C1orf94: variants seen among roughly 807,000 people sequenced by gnomAD.
C1orf94 encodes chromosome 1 open reading frame 94, also known as uncharacterized protein C1orf94.
In C1orf94, 45 loss-of-function variants were observed where a neutral mutation model predicts 53.6. That is an observed-to-expected ratio of 0.84 (90% CI 0.66 to 1.08). The LOEUF is 1.08. C1orf94 is among the 50% of genes least tolerant of loss of function. The pLI, the probability that C1orf94 is intolerant of heterozygous loss-of-function variation, is 0.00. For missense variants in C1orf94, 762 were observed against 738.9 expected (o/e 1.03, Z -0.36); for synonymous variants, 304 against 296.1 (o/e 1.03, Z -0.27).
At position 34,178,076 on chromosome 1, in the gene C1orf94, C is replaced by T; in HGVS notation, c.287C>T (p.Thr96Ile). Residue 96 changes from threonine to isoleucine, a missense_variant, in exon 1 of 7, where the codon ACT (threonine) becomes ATT (isoleucine). By Grantham distance (89) the Thr-to-Ile change is moderately conservative (BLOSUM62 -1). Transcript: ENST00000488417. ...MEQLSVPVVG[T>I]LRGNELSFQE... ...CAGCTCTCTGTCCCTGTGGTTGGAA[C>T]TCTAAGAGGCAATGAGCTCAGCTTT... The T allele has an allele frequency of 1.3e-6, 2 of 1,551,702 alleles. No individual in the cohort carries two copies. Among genetic ancestry groups the T allele is most frequent in the East Asian group, 2.4e-5 (1 of 40,910 alleles).
chr1:34,171,735 T>G (rs922122438), intron 1 of C1orf94, among the ~76,000 whole-genome samples: 1 of 152,230 alleles, frequency 6.6e-6, no homozygotes, highest in African/African-American at 2.4e-5. Flanking sequence ...AAATTCATGC[T>G]TGGGGTTATT....
rs1227010551 is a variant in C1orf94, at chr1:34,202,188, C to G, written c.1375C>G (p.Pro459Ala). ...TAMTSATLNQ[P>A]LWLNLNYPPP... ...CATGACCTCAGCAACCCTGAACCAG[C>G]CACTCTGGCTCAACCTGAACTATCC... Residue 459 changes from proline to alanine, a missense_variant, in exon 4 of 7, where the codon CCA becomes GCA. Coordinates refer to ENST00000488417, the MANE Select transcript of C1orf94 (RefSeq NM_001134734.2). 7 of 1,614,250 alleles carry G rather than the reference C, an allele frequency of 4.3e-6. No homozygotes were observed. The highest frequency in any genetic ancestry group is 3.3e-5 in the Admixed American group (2 of 60,030).
At chr1:34,204,059 G>C (rs558101864) in intron 4 of C1orf94, among the ~76,000 whole-genome samples, 2 of 152,198 alleles carry the variant, frequency 1.3e-5, no homozygotes, top group Non-Finnish European at 2.9e-5. Context: ...TGCTGCCCCA[G>C]CCTGGCCCAG....
At chr1:34,169,437 A>G (rs1399357826) in intron 1 of C1orf94, among the ~76,000 whole-genome samples, 1 of 152,200 alleles carries the variant, frequency 6.6e-6, no homozygotes, top group African/African-American at 2.4e-5. Context: ...GTGACTAGCC[A>G]AGATAAGCCT....
At chr1:34,208,348 T>C in intron 5 of C1orf94, 114 bp downstream of exon 5, 1 of 1,061,106 alleles carries the variant, frequency 9.4e-7, no homozygotes, top group South Asian at 1.5e-5. Context: ...GGCCCACCAT[T>C]GGCTCTGGAG....
At chr1:34,196,107 G>A (rs1642574798) in intron 1 of C1orf94, among the ~76,000 whole-genome samples, 1 of 152,214 alleles carries the variant, frequency 6.6e-6, no homozygotes, top group African/African-American at 2.4e-5. Flanking sequence ...AGCCCCTTGA[G>A]TAGGCACAGC....
chr1:34,177,634 C>A lies in C1orf94; in HGVS notation c.-156C>A. The A allele has an allele frequency of 1.6e-6, 1 of 618,128 alleles. No homozygotes were observed. The highest frequency in any genetic ancestry group is 2.7e-6 in the Non-Finnish European group (1 of 369,448). 38.3% of individuals were successfully genotyped at this position (618,128 alleles called of 1,614,324 possible). ...CAGGAAAGAGCAAATAAAAACAAATCAAAATAAGCCCTCCCCTCCCCAAAA... is the reference window on the plus strand; with the variant it reads ...CAGGAAAGAGCAAATAAAAACAAATAAAAATAAGCCCTCCCCTCCCCAAAA... On this transcript the variant is annotated 5_prime_UTR_variant, in exon 1 of 7. Transcript: ENST00000488417.
intron 6 of C1orf94, 123 bp from the exon 7 acceptor site, chr1:34,218,563 C>T (rs1338122206): frequency 1.6e-5 from 10 of 630,534 alleles, no homozygotes; most frequent in African/African-American, 5.7e-5. Flanking sequence ...AAAGCCTTTA[C>T]CCTCCAAGCC....
Position 34,212,097 on chromosome 1 carries a change from G to A in C1orf94, c.1525-113G>A. ...TCTCCATTCCAACATGTTGCCTTCT[G>A]TGTACCCAGCAGTGACTGAGGAGCA... On this transcript the variant is annotated intron_variant, in intron 5 of 6. Coordinates refer to ENST00000488417, the MANE Select transcript of C1orf94 (RefSeq NM_001134734.2). The A allele has an allele frequency of 6.6e-6, 6 of 904,482 alleles. No individual in the cohort carries two copies. In the South Asian group the frequency reaches 1.3e-4, roughly 19 times the overall value. The allele number at this position is 904,482 out of a possible 1,614,324, so 56.0% of individuals were successfully genotyped here. A position where few individuals can be genotyped will look rare whatever the true frequency, so the allele number is the denominator to read the frequency against.
intron 2 of C1orf94, among the ~76,000 whole-genome samples, chr1:34,200,109 C>G (rs779473556): frequency 5.9e-5 from 9 of 152,212 alleles, no homozygotes; most frequent in Non-Finnish European, 1.0e-4. Context: ...CCCCAGCACT[C>G]AGGTCAAGGC....
chr1:34,201,915 G>T (rs1179598346), intron 3 of C1orf94, among the ~76,000 whole-genome samples, 169 bp from the exon 4 acceptor site: 1 of 152,200 alleles, frequency 6.6e-6, no homozygotes. Flanking sequence ...GTGAACTAAT[G>T]ATGTTTACCT....
chr1:34,169,619 G>GAGAGAC (rs1642111163), intron 1 of C1orf94, among the ~76,000 whole-genome samples: 1 of 94,276 alleles, frequency 1.1e-5, no homozygotes, highest in African/African-American at 3.9e-5. Context: ...GAGAGAGAGA[G>GAGAGAC]AGAGAGAGAG....
At position 34,215,938 on chromosome 1, in the gene C1orf94, G is replaced by A. The variant is rs189932171; in HGVS notation, c.1722-2748G>A. ...GGAGAATTGCTTGAACCAGGGAGGC[G>A]GAGGTTGCAGTGAGCCGAGATCATG... On this transcript the variant is annotated intron_variant, in intron 6 of 6. Transcript: ENST00000488417. Among the ~76,000 whole-genome samples, 114 of 152,206 alleles carry A rather than the reference G, an allele frequency of 7.5e-4. 2 individuals carry two copies. In the Middle Eastern group the frequency reaches 0.031, roughly 41 times the overall value.
intron 6 of C1orf94, among the ~76,000 whole-genome samples, chr1:34,213,655 C>T (rs1338580668): frequency 6.6e-6 from 1 of 152,084 alleles, no homozygotes; most frequent in Non-Finnish European, 1.5e-5. Context: ...ATTATCTCAC[C>T]TCAGCCTTCC....
chr1:34,174,670 T>C (rs1642196047), upstream of C1orf94, among the ~76,000 whole-genome samples: 1 of 152,138 alleles, frequency 6.6e-6, no homozygotes, highest in Non-Finnish European at 1.5e-5. Flanking sequence ...CGAGAGAGAC[T>C]TCAGAGTGAA....
At position 34,197,899 on chromosome 1, in the gene C1orf94, G is replaced by A; in HGVS notation, c.995G>A (p.Arg332Lys). The change falls in exon 2 of 7, where the codon AGG becomes AAG. Residue 332 changes from arginine to lysine, a missense_variant. Arg to Lys is a conservative substitution (Grantham distance 26, BLOSUM62 2). Transcript: ENST00000488417. This position sits in a 1 kb window ranked among gnomAD's most constrained non-coding sequence, Gnocchi z 4.1. ...CCCAAGGCTGACCCTGCTGTGGAGA[G>A]GCACCACTTGATGGGTGAGTGGGGT... ...SKPKADPAVE[R>K]HHLMEWSPGT... 6.2e-7 allele frequency: 1 copy of A among 1,613,432 alleles called. No individual in the cohort carries two copies. The highest frequency in any genetic ancestry group is 8.5e-7 in the Non-Finnish European group (1 of 1,179,596).
At position 34,219,058 on chromosome 1, in the gene C1orf94, G is replaced by T. The variant is rs1643040881; in HGVS notation, c.*297G>T. ...ATGAGTGATTTTTGTTTTTGTTTTT[G>T]TTGGTAAAATAGAAGTAAGACACTT... is the stretch of plus-strand genomic sequence containing the variant. On this transcript the variant is annotated 3_prime_UTR_variant, in exon 7 of 7. Transcript: ENST00000488417. The T allele has an allele frequency of 4.3e-6, 1 of 230,540 alleles. No individual in the cohort carries two copies. The highest frequency in any genetic ancestry group is 1.3e-3 in the Middle Eastern group (1 of 786). 14.3% of individuals were successfully genotyped at this position (230,540 alleles called of 1,614,324 possible).
At chr1:34,209,882 T>G (rs577395986) in intron 5 of C1orf94, among the ~76,000 whole-genome samples, 15 of 152,364 alleles carry the variant, frequency 9.8e-5, no homozygotes, top group African/African-American at 1.2e-4. Flanking sequence ...TGCATGTGTA[T>G]GTATTTGAAA....
At chr1:34,198,416 G>A (rs1642640671) in intron 2 of C1orf94, among the ~76,000 whole-genome samples, 1 of 152,216 alleles carries the variant, frequency 6.6e-6, no homozygotes, top group Non-Finnish European at 1.5e-5. Flanking sequence ...TCCAGGCATA[G>A]TGCAGACTGT....
Sources: allele counts gnomAD v4.1 joint callset (sites outside exome capture counted in the v4.1 genomes callset), GRCh38; gene constraint gnomAD v4.1.1; non-coding constraint Gnocchi (gnomAD v3.1); transcripts MANE v1.5; gene names NCBI Gene and HGNC (gene_info 2026-07-23, HGNC 2026-07-21).